The following RPH3AL variants were observed in gnomAD, a reference collection of about 807,000 sequenced individuals.
RPH3AL encodes the protein rabphilin 3A like (without C2 domains), also known as rab effector Noc2.
Under a neutral mutation model 43.1 loss-of-function variants are expected in RPH3AL, and 38 were observed. The ratio of observed to expected loss-of-function variants is 0.88; its 90% CI spans 0.68 to 1.15. RPH3AL has a LOEUF of 1.15. RPH3AL is among the 50% of genes most tolerant of loss of function. The pLI, the probability that RPH3AL is intolerant of heterozygous loss-of-function variation, is 0.00. For synonymous variants in RPH3AL, 189 were observed against 176.3 expected (o/e 1.07, Z -0.57); for missense variants, 462 against 423.2 (o/e 1.09, Z -0.81).
chr17:311,433 A>G (rs906581772), intron 5 of RPH3AL, among the ~76,000 whole-genome samples: 4 of 152,086 alleles, frequency 2.6e-5, no homozygotes, highest in African/African-American at 9.7e-5. Context: ...GCCTTTCAGA[A>G]ACCTGCCCAG....
chr17:314,537 T>C (rs990495592), intron 5 of RPH3AL, among the ~76,000 whole-genome samples: 7 of 140,150 alleles, frequency 5.0e-5, no homozygotes, highest in African/African-American at 1.8e-4. Context: ...TGACTCCACC[T>C]CCATTGACCT....
At chr17:243,422 AC>A (rs765177055) in intron 7 of RPH3AL, among the ~76,000 whole-genome samples, 26 of 90,222 alleles carry the variant, frequency 2.9e-4, no homozygotes, top group South Asian at 9.1e-4. Flanking sequence ...TCTATTGATT[AC>A]CCTTCCTCTA....
intron 5 of RPH3AL, among the ~76,000 whole-genome samples, chr17:312,548 C>T (rs1241715563): frequency 6.6e-6 from 1 of 152,168 alleles, no homozygotes; most frequent in Non-Finnish European, 1.5e-5. Flanking sequence ...AGTCACTCAG[C>T]CTCTTCTGAA....
Position 290,816 on chromosome 17 carries a change from G to A in RPH3AL, c.352-8962C>T, listed in dbSNP as rs1450323800. On this transcript the variant is annotated intron_variant, in intron 5 of 9. Transcript: ENST00000331302. The surrounding 1 kb of genome is among the most constrained non-coding windows in gnomAD (Gnocchi z 4.2). Reference sequence around the variant, plus strand: ...CAGACGCCGCCATCTCACAGCACCCGCGGTCTGGAGTCAGTCACTGGCAGC... The same window carrying A: ...CAGACGCCGCCATCTCACAGCACCCACGGTCTGGAGTCAGTCACTGGCAGC... Among the ~76,000 whole-genome samples the A allele has an allele frequency of 6.6e-6, 1 of 152,216 alleles. No homozygotes were observed. Among genetic ancestry groups the A allele is most frequent in the African/African-American group, 2.4e-5 (1 of 41,462 alleles).
chr17:267,585 G>A (rs544561414), intron 6 of RPH3AL, among the ~76,000 whole-genome samples: 24 of 152,348 alleles, frequency 1.6e-4, no homozygotes, highest in African/African-American at 4.3e-4. Flanking sequence ...GGCAGGGCTC[G>A]AGGGTGGTGC....
chr17:244,980 G>A (rs2041712629), intron 7 of RPH3AL, among the ~76,000 whole-genome samples: 1 of 152,174 alleles, frequency 6.6e-6, no homozygotes, highest in Admixed American at 6.5e-5. Context: ...GTCTGCATGT[G>A]AGCAAGTGTG....
chr17:307,462 C>T (rs973343808), intron 5 of RPH3AL, among the ~76,000 whole-genome samples: 1 of 152,152 alleles, frequency 6.6e-6, no homozygotes, highest in East Asian at 1.9e-4. Context: ...CTGCCCCACG[C>T]TCATCCCTGC....
chr17:273,023 AGAGACCCCAGCGAGGGCGACGTCAGGG>A (rs2042537484), intron 6 of RPH3AL, among the ~76,000 whole-genome samples: 4 of 83,622 alleles, frequency 4.8e-5, no homozygotes, highest in African/African-American at 1.5e-4. Context: ...GACATCAGGA[AGAGACCCCAGCGAGGGCGACGTCAGGG>A]AGAGACCCCA....
At chr17:277,692 C>T (rs892772739) in intron 6 of RPH3AL, among the ~76,000 whole-genome samples, 7 of 152,072 alleles carry the variant, frequency 4.6e-5, no homozygotes, top group African/African-American at 7.2e-5. Flanking sequence ...TAGTGGCTCA[C>T]GCCTGTAATC....
In RPH3AL at chr17:272,762, TCA is replaced by T. The variant is rs71143491; in HGVS notation, c.438+9004_438+9005del. On this transcript the variant is annotated intron_variant, in intron 6 of 9. Coordinates refer to ENST00000331302, the MANE Select transcript of RPH3AL (RefSeq NM_006987.4). ...CCTAGAACTTAAAGTATTATTTAAG[TCA>T]CACACACACACACACACACACACAC... is the stretch of plus-strand genomic sequence containing the variant. 1.3e-3 allele frequency among the ~76,000 whole-genome samples: 190 copies of T among 145,714 alleles called. 1 individual carries two copies. The highest frequency in any genetic ancestry group is 7.0e-3 in the Middle Eastern group (2 of 286).
chr17:292,384 A>C (rs1004962655), intron 5 of RPH3AL, among the ~76,000 whole-genome samples: 1 of 152,246 alleles, frequency 6.6e-6, no homozygotes, highest in African/African-American at 2.4e-5. Flanking sequence ...TGATGTATAT[A>C]ATTACAAATA....
chr17:258,729 TA>T (rs1238575365), intron 6 of RPH3AL, among the ~76,000 whole-genome samples: 1 of 150,794 alleles, frequency 6.6e-6, no homozygotes, highest in Non-Finnish European at 1.5e-5. Context: ...TTGCCATTGG[TA>T]CTCAGCCATT....
intron 6 of RPH3AL, among the ~76,000 whole-genome samples, chr17:252,861 G>C (rs2041942198): frequency 6.6e-6 from 1 of 152,188 alleles, no homozygotes; most frequent in African/African-American, 2.4e-5. Flanking sequence ...GCTCCAGTGA[G>C]TTTTGGATTT....
intron 2 of RPH3AL, among the ~76,000 whole-genome samples, chr17:327,868 G>A (rs2044654701): frequency 6.6e-6 from 1 of 152,190 alleles, no homozygotes; most frequent in Non-Finnish European, 1.5e-5. Context: ...AAAGGAGAGA[G>A]GAGGCTCACC....
At chr17:314,078 C>G (rs1053396075) in intron 5 of RPH3AL, among the ~76,000 whole-genome samples, 10 of 152,196 alleles carry the variant, frequency 6.6e-5, no homozygotes, top group South Asian at 6.2e-4. Context: ...GAGGTCCTTC[C>G]CCAGGACAGC....
chr17:232,464 GGTAC>G (rs2041251422), intron 7 of RPH3AL, among the ~76,000 whole-genome samples: 1 of 152,182 alleles, frequency 6.6e-6, no homozygotes, highest in Admixed American at 6.5e-5. Flanking sequence ...ACAGGCAAAT[GGTAC>G]CCAGGCCTCG....
chr17:273,247 A>T (rs372549338), intron 6 of RPH3AL, among the ~76,000 whole-genome samples: 5 of 93,660 alleles, frequency 5.3e-5, no homozygotes, highest in African/African-American at 1.7e-4. Context: ...GACGTCAGGG[A>T]GAGACCCCAG....
At chr17:268,787 C>A (rs1409259574) in intron 6 of RPH3AL, among the ~76,000 whole-genome samples, 1 of 152,064 alleles carries the variant, frequency 6.6e-6, no homozygotes, top group East Asian at 1.9e-4. Flanking sequence ...TGGTCTCAAA[C>A]TCTGGGGCTC....
intron 5 of RPH3AL, among the ~76,000 whole-genome samples, chr17:303,517 C>T (rs1419845479): frequency 2.3e-5 from 3 of 131,270 alleles, no homozygotes; most frequent in Admixed American, 7.6e-5. Flanking sequence ...AATTATTGAG[C>T]AGTGACCGTG....
Sources: gnomAD v4.1 joint callset for allele counts (sites outside exome capture counted in the v4.1 genomes callset) on GRCh38, gnomAD v4.1.1 for gene constraint, Gnocchi (gnomAD v3.1) non-coding constraint, MANE v1.5 for transcripts, NCBI Gene and HGNC (gene_info 2026-07-23, HGNC 2026-07-21) for gene names.